The following DOCK7 variants were observed in gnomAD, a reference collection of about 807,000 sequenced individuals.
DOCK7 encodes dedicator of cytokinesis protein 7.
In DOCK7, 138 loss-of-function variants were observed where a neutral mutation model predicts 271.0. That is an observed-to-expected ratio of 0.51 (90% CI 0.44 to 0.59). DOCK7 has a LOEUF of 0.59. Ranked by LOEUF, DOCK7 falls within the 20% of genes least tolerant of loss-of-function variation. The pLI is 0.00. For missense variants in DOCK7, 2,066 were observed against 2,592.4 expected (o/e 0.80, Z 4.41); for synonymous variants, 823 against 876.1 (o/e 0.94, Z 1.07).
intron 41 of DOCK7, among the ~76,000 whole-genome samples, chr1:62,490,449 T>A (rs982188990): frequency 6.6e-6 from 1 of 152,062 alleles, no homozygotes; most frequent in African/African-American, 2.4e-5. Flanking sequence ...AAGAGAGAGA[T>A]GTTTTCCAAA....
intron 14 of DOCK7, chr1:62,604,259 T>C (rs1200910094): frequency 6.2e-7 from 1 of 1,610,534 alleles, no homozygotes; most frequent in Non-Finnish European, 8.5e-7. Flanking sequence ...ATACCAATAC[T>C]TTATTTTCAT....
At chr1:62,507,888 C>T in intron 35 of DOCK7, 74 bp downstream of exon 35, 5 of 1,347,724 alleles carry the variant, frequency 3.7e-6, no homozygotes, top group South Asian at 2.6e-5. Context: ...TTTTATGGCT[C>T]ACAGTAAACA....
chr1:62,517,332 CA>C lies in DOCK7; in HGVS notation c.3937-3435del, dbSNP rs567521422. On this transcript the variant is annotated intron_variant, in intron 31 of 49. Transcript: ENST00000635253. ...AACAAACAGGCCGGGCGCAGTGGCT[CA>C]CGCCTGTATCCCAGCACTTCAGGAG... Among the ~76,000 whole-genome samples the C allele has an allele frequency of 1.6e-3, 240 of 152,320 alleles. 1 individual carries two copies. Among genetic ancestry groups the C allele is most frequent in the Non-Finnish European group, 2.7e-3 (183 of 68,030 alleles).
chr1:62,609,149 T>C (rs995783240), intron 14 of DOCK7: 2 of 152,184 alleles, frequency 1.3e-5, no homozygotes, highest in Admixed American at 1.3e-4. Flanking sequence ...GCAAATCAAC[T>C]AGGGTAAAAT....
chr1:62,567,350 T>C (rs989173463), intron 18 of DOCK7, among the ~76,000 whole-genome samples: 2 of 152,144 alleles, frequency 1.3e-5, no homozygotes, highest in Admixed American at 6.5e-5. Context: ...ATATACACCA[T>C]GGAATACTAT....
Position 62,578,954 on chromosome 1 carries a change from A to C in DOCK7, c.1884T>G (p.Phe628Leu), listed in dbSNP as rs1188863501. 7.0e-6 allele frequency: 11 copies of C among 1,577,686 alleles called. No individual in the cohort carries two copies. The highest frequency in any genetic ancestry group is 2.0e-5 in the Admixed American group (1 of 51,160). Residue 628 changes from phenylalanine to leucine, a missense_variant, in exon 17 of 50, where the codon TTT becomes TTG. Physicochemically the swap from Phe to Leu is conservative, Grantham distance 22. Coordinates refer to ENST00000635253, the MANE Select transcript of DOCK7 (RefSeq NM_001367561.1). Reference sequence around the variant, plus strand: ...GAAGCTTAACCTTGATTTCTTCATGAAAATCAGGAGACCTTCATACAAAAA... The same window carrying C: ...GAAGCTTAACCTTGATTTCTTCATGCAAATCAGGAGACCTTCATACAAAAA... ...AVVYHNRSPD[F>L]HEEIKVKLPA...
intron 12 of DOCK7, among the ~76,000 whole-genome samples, chr1:62,622,341 T>G (rs891257140): frequency 6.6e-6 from 1 of 152,182 alleles, no homozygotes; most frequent in African/African-American, 2.4e-5. Flanking sequence ...CTGAAAAAAA[T>G]AGATAACATA....
intron 22 of DOCK7, among the ~76,000 whole-genome samples, chr1:62,547,187 T>A (rs1645739631): frequency 6.6e-6 from 1 of 152,194 alleles, no homozygotes; most frequent in Non-Finnish European, 1.5e-5. Flanking sequence ...TGAACAGTTG[T>A]AATTACACTA....
chr1:62,647,770 G>T lies in DOCK7; in HGVS notation c.739C>A (p.Pro247Thr). Residue 247 changes from proline (P) to threonine (T), a missense_variant, in exon 7 of 50, where the codon CCA (proline) becomes ACA (threonine). By Grantham distance (38) the Pro-to-Thr change is conservative (BLOSUM62 -1). Transcript: ENST00000635253. ...TCAGGAACACTAAGCCGTTCTATTG[G>T]TTCTTCCTACAAATTGAAAAGCAAC... ...ALHPSPDEEE[P>T]IERLSVPDIP... 1 of 1,600,952 alleles carries T rather than the reference G, an allele frequency of 6.2e-7. No homozygotes were observed. The highest frequency in any genetic ancestry group is 8.5e-7 in the Non-Finnish European group (1 of 1,176,008).
chr1:62,633,771 T>C (rs148450054), intron 9 of DOCK7, 193 bp from the exon 10 acceptor site: 222 of 517,352 alleles, frequency 4.3e-4, no homozygotes, highest in African/African-American at 3.9e-3. Context: ...AAAGTAGTAA[T>C]GCAAAGAAAC....
At chr1:62,485,391 A>G in intron 43 of DOCK7, 3 of 985,344 alleles carry the variant, frequency 3.0e-6, no homozygotes, top group Middle Eastern at 1.0e-3. Flanking sequence ...AACTCAAATA[A>G]TTTGCACTAA....
chr1:62,681,441 G>A (rs938787609), intron 1 of DOCK7, among the ~76,000 whole-genome samples: 4 of 150,636 alleles, frequency 2.7e-5, no homozygotes, highest in African/African-American at 7.3e-5. Context: ...TGTAAATGAC[G>A]AGTTAATGGG....
intron 27 of DOCK7, 98 bp from the exon 28 acceptor site, chr1:62,538,159 T>C: frequency 7.6e-7 from 1 of 1,315,868 alleles, no homozygotes; most frequent in East Asian, 2.5e-5. Context: ...AGATAGTACT[T>C]GGTATCCAGT....
intron 14 of DOCK7, chr1:62,602,235 C>A: frequency 7.1e-7 from 1 of 1,409,134 alleles, no homozygotes; most frequent in Non-Finnish European, 1.0e-6. Context: ...TTATTTACAT[C>A]TGTCAACATA....
At chr1:62,485,092 T>C in intron 43 of DOCK7, 1 of 930,692 alleles carries the variant, frequency 1.1e-6, no homozygotes, top group South Asian at 5.0e-5. Flanking sequence ...GCTGTGATCG[T>C]GCCACTGCAC....
Position 62,616,283 on chromosome 1 carries a change from T to C in DOCK7, c.1682+2423A>G, listed in dbSNP as rs575502762. 2.1e-3 allele frequency among the ~76,000 whole-genome samples: 314 copies of C among 151,918 alleles called. 2 individuals carry two copies. The highest frequency in any genetic ancestry group is 7.2e-3 in the African/African-American group (299 of 41,538). ...TCCCATTTAAGTTCTGTAACATGTC[T>C]GGATTATCTATATTGGCTCTTTTTC... is the stretch of plus-strand genomic sequence containing the variant. On this transcript the variant is annotated intron_variant, in intron 14 of 49. Coordinates refer to ENST00000635253, the MANE Select transcript of DOCK7 (RefSeq NM_001367561.1).
At chr1:62,543,922 G>A (rs1485052442) in intron 23 of DOCK7, among the ~76,000 whole-genome samples, 177 bp from the exon 24 acceptor site, 1 of 152,106 alleles carries the variant, frequency 6.6e-6, no homozygotes, top group Non-Finnish European at 1.5e-5. Context: ...CAATGCATAA[G>A]TAGTATCAAA....
At chr1:62,612,520 T>C (rs567162152) in intron 14 of DOCK7, among the ~76,000 whole-genome samples, 3 of 152,274 alleles carry the variant, frequency 2.0e-5, no homozygotes, top group Non-Finnish European at 2.9e-5. Context: ...ATTCTGCACT[T>C]GTATCCCGGA....
intron 48 of DOCK7, 132 bp from the exon 49 acceptor site, chr1:62,457,837 C>T: frequency 1.2e-6 from 1 of 825,512 alleles, no homozygotes; most frequent in South Asian, 1.7e-5. Context: ...ATATGTGGGC[C>T]TAATCACACA....
Sources: gnomAD v4.1 joint callset for allele counts (sites outside exome capture counted in the v4.1 genomes callset) on GRCh38, gnomAD v4.1.1 for gene constraint, MANE v1.5 for transcripts, NCBI Gene and HGNC (gene_info 2026-07-23, HGNC 2026-07-21) for gene names.